Variants in MAD1L1 observed in about 807,000 individuals in gnomAD.
MAD1L1 encodes the protein mitotic arrest deficient 1 like 1.
A neutral mutation model predicts 96.9 loss-of-function variants in MAD1L1; 95 were observed. The observed-to-expected ratio is 0.98, with a 90% CI of 0.83 to 1.16. The LOEUF (loss-of-function observed/expected upper bound fraction) is 1.16. Among genes scored for constraint, MAD1L1 ranks in the 50% most tolerant of loss-of-function variants. The pLI is 0.00. For missense variants in MAD1L1, 1,007 were observed against 954.4 expected (o/e 1.06, Z -0.73); for synonymous variants, 473 against 396.6 (o/e 1.19, Z -2.29).
At chr7:2,097,372 C>T (rs1786547097) in intron 11 of MAD1L1, among the ~76,000 whole-genome samples, 1 of 152,204 alleles carries the variant, frequency 6.6e-6, no homozygotes, top group Non-Finnish European at 1.5e-5. Context: ...TCCAAAGCAG[C>T]ACAATGCAGG....
In MAD1L1 at chr7:2,018,568, G is replaced by C. The variant is rs1216132607; in HGVS notation, c.1219-3926C>G. On this transcript the variant is annotated intron_variant, in intron 12 of 18. Transcript: ENST00000265854. ...CCTAAGTCCACACCATGGACACAGA[G>C]GGCTTCCCTCCTGGGAGTCAGTGGC... Among the ~76,000 whole-genome samples, 5 of 152,360 alleles carry C rather than the reference G, an allele frequency of 3.3e-5. No individual in the cohort carries two copies. The East Asian group carries it at 7.7e-4, about 24-fold the overall frequency.
At chr7:1,984,038 T>G (rs1781040878) in intron 14 of MAD1L1, among the ~76,000 whole-genome samples, 1 of 152,224 alleles carries the variant, frequency 6.6e-6, no homozygotes, top group Admixed American at 6.5e-5. Context: ...TTTACATGCT[T>G]TCTTGTTCAA....
intron 11 of MAD1L1, among the ~76,000 whole-genome samples, chr7:2,108,599 G>A (rs1425661647): frequency 5.3e-5 from 8 of 152,168 alleles, no homozygotes; most frequent in Non-Finnish European, 1.0e-4. Flanking sequence ...AACATACAGA[G>A]CCCCAGAAAG....
intron 18 of MAD1L1, among the ~76,000 whole-genome samples, chr7:1,881,179 C>T (rs928822983): frequency 2.6e-5 from 4 of 152,164 alleles, no homozygotes; most frequent in Admixed American, 1.3e-4. Context: ...GTCTCATTCC[C>T]GGAAGTCTTA....
intron 12 of MAD1L1, among the ~76,000 whole-genome samples, chr7:2,046,666 G>A (rs73672021): frequency 0.044 from 6,656 of 152,292 alleles, 223 homozygotes; most frequent in East Asian, 0.089. Flanking sequence ...ACACTAAGCC[G>A]TGAGGACGTC....
intron 12 of MAD1L1, among the ~76,000 whole-genome samples, chr7:2,042,220 T>C (rs1783716000): frequency 8.0e-6 from 1 of 124,432 alleles, no homozygotes; most frequent in Non-Finnish European, 1.6e-5. Context: ...CACACAGACG[T>C]GCACACACAA....
chr7:1,861,953 G>A (rs1784553988), intron 18 of MAD1L1, among the ~76,000 whole-genome samples: 1 of 152,126 alleles, frequency 6.6e-6, no homozygotes, highest in Non-Finnish European at 1.5e-5. Context: ...GAGCTGCTGG[G>A]AACGTAGAGG....
chr7:2,132,315 GGCTC>G (rs1788547365), intron 11 of MAD1L1, among the ~76,000 whole-genome samples: 2 of 152,190 alleles, frequency 1.3e-5, no homozygotes, highest in Non-Finnish European at 2.9e-5. Flanking sequence ...TGGACACGTG[GGCTC>G]ACTTGTCATG....
intron 16 of MAD1L1, among the ~76,000 whole-genome samples, chr7:1,949,338 C>T (rs1226782726): frequency 1.3e-5 from 2 of 152,222 alleles, no homozygotes; most frequent in African/African-American, 4.8e-5. Context: ...AAGCATCGCC[C>T]GGGGGGACCC....
intron 12 of MAD1L1, among the ~76,000 whole-genome samples, chr7:2,016,743 C>T (rs1317138): frequency 0.099 from 15,096 of 152,298 alleles, 1,707 homozygotes; most frequent in African/African-American, 0.28. Flanking sequence ...TCATAATTAG[C>T]TGATGACAAA....
At chr7:2,083,921 T>G (rs1283344164) in intron 11 of MAD1L1, among the ~76,000 whole-genome samples, 1 of 152,102 alleles carries the variant, frequency 6.6e-6, no homozygotes, top group African/African-American at 2.4e-5. Context: ...AGTCAGACCC[T>G]GGGGTGGGGA....
chr7:2,043,513 G>A (rs1783783866), intron 12 of MAD1L1, among the ~76,000 whole-genome samples: 1 of 152,256 alleles, frequency 6.6e-6, no homozygotes, highest in Non-Finnish European at 1.5e-5. Flanking sequence ...CATCCTGTGG[G>A]CTGGAGGTGG....
At chr7:1,925,405 T>C (rs2128458270) in intron 17 of MAD1L1, among the ~76,000 whole-genome samples, 1 of 152,322 alleles carries the variant, frequency 6.6e-6, no homozygotes, top group African/African-American at 2.4e-5. Flanking sequence ...CTGAGATTAA[T>C]TTATAACGAC....
At chr7:1,819,135 T>C (rs776394699) in intron 18 of MAD1L1, among the ~76,000 whole-genome samples, 11 of 152,166 alleles carry the variant, frequency 7.2e-5, no homozygotes, top group Non-Finnish European at 1.6e-4. Context: ...CTCTGCCATG[T>C]TCAAATATCA....
chr7:1,917,505 G>C (rs571753238), intron 17 of MAD1L1, among the ~76,000 whole-genome samples: 1 of 152,390 alleles, frequency 6.6e-6, no homozygotes, highest in African/African-American at 2.4e-5. Flanking sequence ...GGGGCTCAGG[G>C]GAAGCGCCTG....
intron 12 of MAD1L1, among the ~76,000 whole-genome samples, chr7:2,035,037 C>T (rs1231621971): frequency 6.6e-6 from 1 of 152,192 alleles, no homozygotes; most frequent in Non-Finnish European, 1.5e-5. Context: ...CCCACAGAGG[C>T]GGGAGCTCAG....
rs149100415 is a variant in MAD1L1, at chr7:1,978,800, C to T, written c.1505+1653G>A. 2.5e-3 allele frequency among the ~76,000 whole-genome samples: 375 copies of T among 152,304 alleles called. 2 individuals are homozygous for T. Among genetic ancestry groups the T allele is most frequent in the African/African-American group, 8.7e-3 (361 of 41,568 alleles). ...GAGACGCAGATGAAGACGGAGAGCGCGTCGGGGCCCACTCACCACTCCATC... is the reference window on the plus strand; with the variant it reads ...GAGACGCAGATGAAGACGGAGAGCGTGTCGGGGCCCACTCACCACTCCATC... On this transcript the variant is annotated intron_variant, in intron 15 of 18. Transcript: ENST00000265854.
chr7:2,095,380 G>A (rs4721393), intron 11 of MAD1L1, among the ~76,000 whole-genome samples: 6,916 of 152,168 alleles, frequency 0.045, 256 homozygotes, highest in African/African-American at 0.095. Context: ...TTTTTGGAAA[G>A]ATAAAAAAAG....
At chr7:1,928,740 G>A (rs1392426597) in intron 17 of MAD1L1, among the ~76,000 whole-genome samples, 2 of 152,258 alleles carry the variant, frequency 1.3e-5, no homozygotes, top group African/African-American at 2.4e-5. Context: ...CTGCCCAGGT[G>A]GCACGGGGTG....
Sources: gnomAD v4.1 joint callset for allele counts (sites outside exome capture counted in the v4.1 genomes callset) on GRCh38, gnomAD v4.1.1 for gene constraint, MANE v1.5 for transcripts, NCBI Gene and HGNC (gene_info 2026-07-23, HGNC 2026-07-21) for gene names.